Variants in HEMK1 observed in about 807,000 individuals in gnomAD.
The protein encoded by HEMK1 is MTRF1L release factor glutamine methyltransferase.
HEMK1 carries 36 observed loss-of-function variants against 47.9 expected under a neutral mutation model. The observed-to-expected ratio is 0.75, with a 90% CI of 0.58 to 0.99. The LOEUF (loss-of-function observed/expected upper bound fraction) is 0.99. HEMK1 is among the 50% of genes least tolerant of loss of function. The pLI, the probability that HEMK1 is intolerant of heterozygous loss-of-function variation, is 0.00. For missense variants in HEMK1, 383 were observed against 434.5 expected (o/e 0.88, Z 1.05); for synonymous variants, 153 against 165.4 (o/e 0.93, Z 0.57).
In HEMK1 at chr3:50,588,770, C is replaced by A. The variant is rs1456330476; in HGVS notation, c.*8353C>A. ...TGTGAGGATATGAAGTTTGCCTTGT[C>A]ATGGGGAGCATTTCAGGTCCCTAGG... On this transcript the variant is annotated 3_prime_UTR_variant, in exon 11 of 11. Transcript: ENST00000232854. 6 of 152,250 alleles carry A rather than the reference C, an allele frequency of 3.9e-5. No homozygotes were observed. Among genetic ancestry groups the A allele is most frequent in the African/African-American group, 1.4e-4 (6 of 41,458 alleles). The allele number at this position is 152,250 out of a possible 1,614,324, so 9.4% of individuals were successfully genotyped here.
chr3:50,570,314 C>G (rs896685512), intron 1 of HEMK1: 5 of 152,194 alleles, frequency 3.3e-5, no homozygotes, highest in African/African-American at 1.2e-4. Context: ...TGCTTGTGAC[C>G]TCTTTAAATA....
At position 50,590,115 on chromosome 3, in the gene HEMK1, G is replaced by A. The variant is rs552931568; in HGVS notation, c.*9698G>A. ...CAGGAGAATTGCTTGAACCCGGGAG[G>A]CAGAGATTGCAGTGAGCCAAGATCA... On this transcript the variant is annotated 3_prime_UTR_variant, in exon 11 of 11. Coordinates refer to ENST00000232854, the MANE Select transcript of HEMK1 (RefSeq NM_016173.5). 6.6e-6 allele frequency: 1 copy of A among 151,544 alleles called. No homozygotes were observed. Among genetic ancestry groups the A allele is most frequent in the Admixed American group, 6.6e-5 (1 of 15,232 alleles). 9.4% of individuals were successfully genotyped at this position (151,544 alleles called of 1,614,324 possible).
rs2029958689 is a variant in HEMK1 at position 50,577,837 on chromosome 3, A to G, written c.626A>G (p.Gln209Arg). The G allele has an allele frequency of 1.2e-6, 2 of 1,613,680 alleles. No homozygotes were observed. The highest frequency in any genetic ancestry group is 1.3e-5 in the African/African-American group (1 of 74,818). Residue 209 changes from glutamine to arginine, a missense_variant, in exon 7 of 11, where the codon CAG becomes CGG. Coordinates refer to ENST00000232854, the MANE Select transcript of HEMK1 (RefSeq NM_016173.5). ...THENAQRLRL[Q>R]DRIWIIHLDM... Reference sequence around the variant, plus strand: ...CCCTGTCTGTGTAGGCTTCGGTTGCAGGACAGGATTTGGATCATCCACCTC... The same window carrying G: ...CCCTGTCTGTGTAGGCTTCGGTTGCGGGACAGGATTTGGATCATCCACCTC...
Position 50,571,350 on chromosome 3 carries a change from C to A in HEMK1, c.228+18C>A. 1.3e-6 allele frequency: 2 copies of A among 1,539,478 alleles called. No homozygotes were observed. Among genetic ancestry groups the A allele is most frequent in the South Asian group, 2.5e-5 (2 of 81,342 alleles). ...CCAAAACAGTTAAGTTTAGTGTTGT[C>A]AAGAGGACAGGAAGAGGGAGGAGGG... On this transcript the variant is annotated intron_variant, in intron 2 of 10. Transcript: ENST00000232854.
At chr3:50,573,392 G>C (rs963187291) in intron 4 of HEMK1, among the ~76,000 whole-genome samples, 2 of 152,202 alleles carry the variant, frequency 1.3e-5, no homozygotes, top group African/African-American at 4.8e-5. Context: ...GAAAACACGT[G>C]ATCTCTGGCG....
At position 50,580,917 on chromosome 3, in the gene HEMK1, G is replaced by T. The variant is rs1312543051; in HGVS notation, c.*500G>T. 1 of 170,426 alleles carries T rather than the reference G, an allele frequency of 5.9e-6. No individual in the cohort carries two copies. Among genetic ancestry groups the T allele is most frequent in the African/African-American group, 2.4e-5 (1 of 41,820 alleles). 10.6% of individuals were successfully genotyped at this position (170,426 alleles called of 1,614,324 possible). On this transcript the variant is annotated 3_prime_UTR_variant, in exon 11 of 11. Coordinates refer to ENST00000232854, the MANE Select transcript of HEMK1 (RefSeq NM_016173.5). ...ATTGATTAGTCCTCCACTGCCCTGG[G>T]TGCATGCGTACACAATTCCCTGGCC...
At position 50,583,754 on chromosome 3, in the gene HEMK1, A is replaced by G. The variant is rs1325042578; in HGVS notation, c.*3337A>G. ...TCCCTTTGCCCAGGCGGTGCAAACAATCCACTTCTTCAAGCTCCAACACAA... is the reference window on the plus strand; with the variant it reads ...TCCCTTTGCCCAGGCGGTGCAAACAGTCCACTTCTTCAAGCTCCAACACAA... On this transcript the variant is annotated 3_prime_UTR_variant, in exon 11 of 11. Coordinates refer to ENST00000232854, the MANE Select transcript of HEMK1 (RefSeq NM_016173.5). 2.0e-5 allele frequency: 3 copies of G among 152,198 alleles called. No homozygotes were observed. Among genetic ancestry groups the G allele is most frequent in the Non-Finnish European group, 4.4e-5 (3 of 68,108 alleles). 9.4% of individuals were successfully genotyped at this position (152,198 alleles called of 1,614,324 possible).
At position 50,587,074 on chromosome 3, in the gene HEMK1, G is replaced by A. The variant is rs543664290; in HGVS notation, c.*6657G>A. The A allele has an allele frequency of 6.6e-6, 1 of 152,316 alleles. No homozygotes were observed. The highest frequency in any genetic ancestry group is 2.1e-4 in the South Asian group (1 of 4,816). 9.4% of individuals were successfully genotyped at this position (152,316 alleles called of 1,614,324 possible). A position where few individuals can be genotyped will look rare whatever the true frequency, so the allele number is the denominator to read the frequency against. On this transcript the variant is annotated 3_prime_UTR_variant, in exon 11 of 11. Coordinates refer to ENST00000232854, the MANE Select transcript of HEMK1 (RefSeq NM_016173.5). The surrounding 1 kb of genome is among the most constrained non-coding windows in gnomAD (Gnocchi z 4.2). ...CTCAGCAGGGTGCAGTTGCAGGTCA[G>A]GTTGCATAGCTGGACAGGAAGGGAG...
In HEMK1 at chr3:50,571,037, C is replaced by T. The variant is rs1219123352; in HGVS notation, c.-68C>T. 1.6e-6 allele frequency: 2 copies of T among 1,283,560 alleles called. No individual in the cohort carries two copies. The highest frequency in any genetic ancestry group is 2.2e-6 in the Non-Finnish European group (2 of 922,018). The allele number at this position is 1,283,560 out of a possible 1,614,324, so 79.5% of individuals were successfully genotyped here. On this transcript the variant is annotated 5_prime_UTR_variant, in exon 2 of 11. Coordinates refer to ENST00000232854, the MANE Select transcript of HEMK1 (RefSeq NM_016173.5). ...TCCAGGGGCCACTCTCAGCACTCAC[C>T]TCAGCAGCTGACATCATAAAGCAGA...
At chr3:50,576,288 C>A (rs1288717824) in intron 4 of HEMK1, among the ~76,000 whole-genome samples, 1 of 152,252 alleles carries the variant, frequency 6.6e-6, no homozygotes, top group Non-Finnish European at 1.5e-5. Flanking sequence ...GCCTTGACCC[C>A]AGGCCTCAGT....
In HEMK1 at chr3:50,577,556, C is replaced by A. The variant is rs139007896; in HGVS notation, c.597C>A (p.Thr199=). 156 of 1,614,000 alleles carry A rather than the reference C, an allele frequency of 9.7e-5. No homozygotes were observed. The African/African-American group carries it at 1.9e-3, about 20-fold the overall frequency. The part of the protein sequence containing the change: ...VDKREAAISL[T]HENAQRLRLQ... ...AGCGGGAAGCTGCTATCTCTCTGAC[C>A]CATGAGAATGCTCAGAGGTAGGTGG... The change falls in exon 6 of 11, where the codon ACC becomes ACA. Residue 199 remains threonine, a synonymous_variant. Coordinates refer to ENST00000232854, the MANE Select transcript of HEMK1 (RefSeq NM_016173.5).
chr3:50,578,641 A>C (rs909387880), intron 7 of HEMK1, among the ~76,000 whole-genome samples, 180 bp from the exon 8 acceptor site: 2 of 152,230 alleles, frequency 1.3e-5, no homozygotes, highest in African/African-American at 4.8e-5. Context: ...TAAAGCATGC[A>C]CATTCCCCAC....
At chr3:50,572,454 G>A (rs748580065) in intron 4 of HEMK1, among the ~76,000 whole-genome samples, 29 of 152,238 alleles carry the variant, frequency 1.9e-4, no homozygotes, top group Non-Finnish European at 2.9e-4. Context: ...GGCCCAGAGT[G>A]CCTCAAATAG....
intron 7 of HEMK1, among the ~76,000 whole-genome samples, chr3:50,578,412 CAG>C (rs2030151086): frequency 6.6e-6 from 1 of 152,244 alleles, no homozygotes; most frequent in African/African-American, 2.4e-5. Flanking sequence ...AACCAGTAGT[CAG>C]AGCCATCAGG....
intron 8 of HEMK1, among the ~76,000 whole-genome samples, chr3:50,579,461 T>C (rs530499801): frequency 3.3e-4 from 50 of 152,174 alleles, no homozygotes; most frequent in African/African-American, 1.1e-3. Flanking sequence ...AGCAGTCATG[T>C]TGGATGGGGC....
At chr3:50,571,879 G>C in intron 3 of HEMK1, 78 bp downstream of exon 3, 1 of 1,470,940 alleles carries the variant, frequency 6.8e-7, no homozygotes, top group Middle Eastern at 1.7e-4. Flanking sequence ...ACCAAGTTCA[G>C]GGAGGAGGAG....
At chr3:50,571,607 T>C in intron 2 of HEMK1, 103 bp from the exon 3 acceptor site, 1 of 1,083,548 alleles carries the variant, frequency 9.2e-7, no homozygotes, top group Non-Finnish European at 1.4e-6. Context: ...ATGAGAGGGT[T>C]GGGCCTCCAG....
At chr3:50,578,778 C>T in intron 7 of HEMK1, 43 bp from the exon 8 acceptor site, 2 of 1,345,050 alleles carry the variant, frequency 1.5e-6, no homozygotes, top group Non-Finnish European at 2.1e-6. Flanking sequence ...CTTTACCTCC[C>T]AATGGGTTAG....
At chr3:50,574,383 C>G (rs568515584) in intron 4 of HEMK1, among the ~76,000 whole-genome samples, 1 of 152,318 alleles carries the variant, frequency 6.6e-6, no homozygotes, top group African/African-American at 2.4e-5. Context: ...TTCCGGTGCT[C>G]TGGAGTGTTA....
Sources: allele counts gnomAD v4.1 joint callset (sites outside exome capture counted in the v4.1 genomes callset), GRCh38; gene constraint gnomAD v4.1.1; non-coding constraint Gnocchi (gnomAD v3.1); transcripts MANE v1.5; gene names NCBI Gene and HGNC (gene_info 2026-07-23, HGNC 2026-07-21).